SHISA6: variants seen among roughly 807,000 people sequenced by gnomAD.
SHISA6 encodes the protein shisa family member 6.
In SHISA6, 22 loss-of-function variants were observed where a neutral mutation model predicts 47.9. The observed-to-expected ratio is 0.46, with a 90% CI of 0.33 to 0.66. SHISA6 has a LOEUF of 0.66. Ranked by LOEUF, SHISA6 falls within the 30% of genes least tolerant of loss-of-function variation. The pLI is 0.02. For missense variants in SHISA6, 680 were observed against 764.6 expected (o/e 0.89, Z 1.30); for synonymous variants, 388 against 337.8 (o/e 1.15, Z -1.63).
chr17:11,245,374 C>T (rs1291131007), intron 1 of SHISA6, among the ~76,000 whole-genome samples: 3 of 152,210 alleles, frequency 2.0e-5, no homozygotes, highest in Non-Finnish European at 4.4e-5. Context: ...CTGCAGCCAT[C>T]CACAGATTTT....
chr17:11,283,881 A>G (rs941045214), intron 2 of SHISA6, among the ~76,000 whole-genome samples: 1 of 152,304 alleles, frequency 6.6e-6, no homozygotes, highest in Admixed American at 6.5e-5. Flanking sequence ...AAAATAATCT[A>G]TAGAATTGTT....
At chr17:11,505,967 A>T (rs2071495462) in intron 3 of SHISA6, among the ~76,000 whole-genome samples, 1 of 152,218 alleles carries the variant, frequency 6.6e-6, no homozygotes, top group African/African-American at 2.4e-5. Flanking sequence ...GGGAGTATTC[A>T]TGGACCTTGA....
At chr17:11,305,992 T>C (rs1910096822) in intron 2 of SHISA6, among the ~76,000 whole-genome samples, 1 of 152,070 alleles carries the variant, frequency 6.6e-6, no homozygotes, top group Non-Finnish European at 1.5e-5. Flanking sequence ...ACCCTTCTTC[T>C]TACAAACAGG....
At position 11,560,146 on chromosome 17, in the gene SHISA6, C is replaced by T. The variant is rs880806; in HGVS notation, c.*1842C>T. The T allele has an allele frequency of 6.6e-6, 1 of 152,222 alleles. No individual in the cohort carries two copies. Among genetic ancestry groups the T allele is most frequent in the Non-Finnish European group, 1.5e-5 (1 of 68,060 alleles). 9.4% of individuals were successfully genotyped at this position (152,222 alleles called of 1,614,324 possible). ...CACAAACCACAGAGAAAGCAATGGA[C>T]TGTGTCCTTTCACTGATTTCAAGAG... On this transcript the variant is annotated 3_prime_UTR_variant, in exon 6 of 6. Transcript: ENST00000441885.
Position 11,249,301 on chromosome 17 carries a change from CGT to C in SHISA6, c.638+7243_638+7244del, listed in dbSNP as rs199992621. On this transcript the variant is annotated intron_variant, in intron 1 of 5. Transcript: ENST00000441885. ...CAGTGGCCGTGTGTGTGTGTGTGCG[CGT>C]GCGTGTGTGTGGACGTGTGTGTGCG... 3.3e-3 allele frequency among the ~76,000 whole-genome samples: 342 copies of C among 104,980 alleles called. 5 individuals are homozygous for C. The East Asian group carries it at 0.066, about 20-fold the overall frequency. The allele number at this position is 104,980 out of a possible 152,430, so 68.9% of individuals were successfully genotyped here.
At chr17:11,319,458 T>A (rs535652208) in intron 2 of SHISA6, among the ~76,000 whole-genome samples, 1 of 152,362 alleles carries the variant, frequency 6.6e-6, no homozygotes, top group East Asian at 1.9e-4. Context: ...TGATTTTACT[T>A]GTTTTAAACT....
At chr17:11,538,813 C>T (rs780297273) in intron 3 of SHISA6, among the ~76,000 whole-genome samples, 1 of 152,154 alleles carries the variant, frequency 6.6e-6, no homozygotes, top group Non-Finnish European at 1.5e-5. Context: ...AGGCTCAAGG[C>T]CAGGATGACA....
At chr17:11,433,525 C>A (rs536730572) in intron 3 of SHISA6, among the ~76,000 whole-genome samples, 24 of 152,082 alleles carry the variant, frequency 1.6e-4, no homozygotes, top group Non-Finnish European at 3.2e-4. Flanking sequence ...CTATTGTGAA[C>A]AGTGCCATAA....
intron 3 of SHISA6, among the ~76,000 whole-genome samples, chr17:11,429,591 A>G (rs111623500): frequency 6.7e-6 from 1 of 150,278 alleles, no homozygotes; most frequent in African/African-American, 2.5e-5. Context: ...GACCAGCCTG[A>G]CCAACAATGG....
intron 2 of SHISA6, among the ~76,000 whole-genome samples, chr17:11,304,194 C>T (rs1910025066): frequency 6.6e-6 from 1 of 152,210 alleles, no homozygotes; most frequent in Non-Finnish European, 1.5e-5. Context: ...GGGAGCTGCC[C>T]TGCTCCAGTG....
At chr17:11,533,624 G>A (rs1247379690) in intron 3 of SHISA6, among the ~76,000 whole-genome samples, 12 of 114,006 alleles carry the variant, frequency 1.1e-4, no homozygotes, top group Middle Eastern at 0.01. Flanking sequence ...ATGGAGTCTC[G>A]CTCTGTCTCC....
intron 2 of SHISA6, among the ~76,000 whole-genome samples, chr17:11,344,908 A>G (rs753067286): frequency 3.3e-5 from 5 of 152,120 alleles, no homozygotes; most frequent in Non-Finnish European, 7.4e-5. Flanking sequence ...TTTCATATCC[A>G]TTAACCAGCC....
intron 2 of SHISA6, among the ~76,000 whole-genome samples, chr17:11,308,487 T>C (rs1910206744): frequency 6.6e-6 from 1 of 152,132 alleles, no homozygotes; most frequent in Non-Finnish European, 1.5e-5. Context: ...TCTTTTCCCC[T>C]CTACCAAAGG....
intron 3 of SHISA6, among the ~76,000 whole-genome samples, chr17:11,520,843 A>G (rs895858896): frequency 3.3e-5 from 5 of 152,152 alleles, no homozygotes; most frequent in Admixed American, 2.0e-4. Context: ...TCTAATTGTC[A>G]TCTTTTCAGC....
chr17:11,336,714 A>G (rs540459918), intron 2 of SHISA6, among the ~76,000 whole-genome samples: 16 of 152,342 alleles, frequency 1.1e-4, no homozygotes, highest in African/African-American at 3.8e-4. Flanking sequence ...CCTCTGAGAA[A>G]CATCGTGCAA....
chr17:11,262,783 T>C (rs1453143910), intron 1 of SHISA6, among the ~76,000 whole-genome samples: 2 of 152,200 alleles, frequency 1.3e-5, no homozygotes, highest in Non-Finnish European at 2.9e-5. Context: ...TCCTCTAAAC[T>C]CCAGTTGTCT....
At chr17:11,414,827 C>T (rs1485823173) in intron 3 of SHISA6, among the ~76,000 whole-genome samples, 2 of 152,180 alleles carry the variant, frequency 1.3e-5, no homozygotes, top group Non-Finnish European at 2.9e-5. Context: ...GTGGCTCACG[C>T]CTGTAATCCC....
intron 3 of SHISA6, among the ~76,000 whole-genome samples, chr17:11,531,510 C>T (rs1262338514): frequency 6.6e-6 from 1 of 152,138 alleles, no homozygotes; most frequent in African/African-American, 2.4e-5. Context: ...TACGCACAGC[C>T]AGTACCCACA....
At chr17:11,270,573 G>A (rs565177293) in intron 2 of SHISA6, among the ~76,000 whole-genome samples, 4 of 152,280 alleles carry the variant, frequency 2.6e-5, no homozygotes, top group African/African-American at 9.6e-5. Context: ...GGCTCTGCAG[G>A]CCATAAGATC....
Sources: gnomAD v4.1 joint callset for allele counts (sites outside exome capture counted in the v4.1 genomes callset) on GRCh38, gnomAD v4.1.1 for gene constraint, MANE v1.5 for transcripts, NCBI Gene and HGNC (gene_info 2026-07-23, HGNC 2026-07-21) for gene names.